The following NDST4 variants were observed in gnomAD, a reference collection of about 807,000 sequenced individuals.
NDST4 encodes N-heparan sulfate sulfotransferase 4.
NDST4 carries 63 observed loss-of-function variants against 100.8 expected under a neutral mutation model. That is an observed-to-expected ratio of 0.62 (90% CI 0.51 to 0.77). The LOEUF (loss-of-function observed/expected upper bound fraction) is 0.77. NDST4 is among the 30% of genes least tolerant of loss of function. The pLI is 0.00. For synonymous variants in NDST4, 377 were observed against 361.8 expected (o/e 1.04, Z -0.48); for missense variants, 943 against 1,018.4 (o/e 0.93, Z 1.01).
At chr4:115,044,981 C>A (rs1728434587) in intron 2 of NDST4, among the ~76,000 whole-genome samples, 1 of 151,198 alleles carries the variant, frequency 6.6e-6, no homozygotes, top group Admixed American at 6.6e-5. Context: ...ACAACTGGAA[C>A]TTTTATACTC....
At chr4:114,888,844 G>A (rs1164312987) in intron 6 of NDST4, among the ~76,000 whole-genome samples, 1 of 152,040 alleles carries the variant, frequency 6.6e-6, no homozygotes, top group Non-Finnish European at 1.5e-5. Flanking sequence ...TCCTACAATA[G>A]GTAGTGGATT....
intron 2 of NDST4, among the ~76,000 whole-genome samples, chr4:114,987,649 T>C (rs1726942627): frequency 6.6e-6 from 1 of 152,186 alleles, no homozygotes; most frequent in Non-Finnish European, 1.5e-5. Context: ...AAAATAATTG[T>C]ATCTTCAAAA....
intron 6 of NDST4, among the ~76,000 whole-genome samples, chr4:114,899,693 C>T (rs1386648989): frequency 2.0e-5 from 3 of 152,108 alleles, no homozygotes; most frequent in African/African-American, 7.2e-5. Context: ...ATAAATTCCA[C>T]TGGATCATGG....
chr4:114,874,846 CT>C (rs141709694), intron 6 of NDST4, among the ~76,000 whole-genome samples: 13,137 of 151,982 alleles, frequency 0.086, 1,662 homozygotes, highest in African/African-American at 0.28. Context: ...TACTGTTTAT[CT>C]TTTTTTATAT....
intron 10 of NDST4, among the ~76,000 whole-genome samples, chr4:114,843,707 C>T (rs1013937008): frequency 1.3e-5 from 2 of 152,158 alleles, no homozygotes; most frequent in Admixed American, 6.6e-5. Context: ...CCCTTCCCTT[C>T]GAATCAGTGC....
chr4:115,079,721 A>G (rs1398677313), intron 1 of NDST4, among the ~76,000 whole-genome samples: 2 of 152,086 alleles, frequency 1.3e-5, no homozygotes, highest in Admixed American at 6.6e-5. Flanking sequence ...GGATTTCTTT[A>G]TTTTTTAATT....
At chr4:114,890,607 A>T (rs576485558) in intron 6 of NDST4, among the ~76,000 whole-genome samples, 2 of 152,216 alleles carry the variant, frequency 1.3e-5, no homozygotes, top group African/African-American at 4.8e-5. Context: ...GCTAAGCAAT[A>T]GTTAGAGATT....
chr4:114,954,744 T>C (rs757805654), intron 4 of NDST4, among the ~76,000 whole-genome samples: 2 of 151,978 alleles, frequency 1.3e-5, no homozygotes, highest in South Asian at 4.1e-4. Context: ...TGTTGAATTG[T>C]AATCTCCAGC....
In NDST4 at chr4:114,942,255, A is replaced by G. The variant is rs1031721557; in HGVS notation, c.1222-4752T>C. ...CATGACTTACGTTAAGCACTTTGCT[A>G]AGTACTGGGGATGCCCTGGGTATAA... On this transcript the variant is annotated intron_variant, in intron 4 of 13. Transcript: ENST00000264363. Among the ~76,000 whole-genome samples, 6 of 152,318 alleles carry G rather than the reference A, an allele frequency of 3.9e-5. No homozygotes were observed. The East Asian group carries it at 1.2e-3, about 29-fold the overall frequency.
At chr4:114,893,504 A>G (rs1167757942) in intron 6 of NDST4, among the ~76,000 whole-genome samples, 1 of 151,292 alleles carries the variant, frequency 6.6e-6, no homozygotes, top group Non-Finnish European at 1.5e-5. Flanking sequence ...AGTGATGTTG[A>G]TCTTTTTTTC....
chr4:114,989,656 G>C (rs1726993056), intron 2 of NDST4, among the ~76,000 whole-genome samples: 1 of 152,282 alleles, frequency 6.6e-6, no homozygotes, highest in African/African-American at 2.4e-5. Flanking sequence ...GTCAGAGCTG[G>C]AGAAGAATGA....
At chr4:114,895,432 C>CCA (rs1448230962) in intron 6 of NDST4, among the ~76,000 whole-genome samples, 1 of 151,982 alleles carries the variant, frequency 6.6e-6, no homozygotes, top group East Asian at 1.9e-4. Flanking sequence ...AAGACTAAAC[C>CCA]AGGAAGAAGT....
intron 2 of NDST4, among the ~76,000 whole-genome samples, chr4:115,057,101 A>T (rs1210058156): frequency 1.3e-5 from 2 of 152,132 alleles, no homozygotes; most frequent in African/African-American, 4.8e-5. Context: ...ACATTATATA[A>T]TCCCAGAGGC....
intron 2 of NDST4, among the ~76,000 whole-genome samples, chr4:115,014,027 G>T (rs1235450439): frequency 1.3e-5 from 2 of 152,066 alleles, no homozygotes; most frequent in Non-Finnish European, 2.9e-5. Flanking sequence ...CACAGGTGGT[G>T]ACTCAAATTG....
intron 2 of NDST4, among the ~76,000 whole-genome samples, chr4:114,997,402 CAGAT>C (rs1326879960): frequency 2.6e-5 from 4 of 151,930 alleles, no homozygotes; most frequent in Non-Finnish European, 4.4e-5. Context: ...ATATATCTGT[CAGAT>C]AGGTGATAAT....
chr4:114,927,237 TG>T (rs1725405298), intron 6 of NDST4, among the ~76,000 whole-genome samples: 2 of 151,964 alleles, frequency 1.3e-5, no homozygotes, highest in Non-Finnish European at 2.9e-5. Context: ...TGTGTGTGTG[TG>T]TGTGTGTTTT....
At chr4:115,091,368 A>G (rs1729515968) in intron 1 of NDST4, among the ~76,000 whole-genome samples, 1 of 152,138 alleles carries the variant, frequency 6.6e-6, no homozygotes, top group Non-Finnish European at 1.5e-5. Flanking sequence ...TTATTTTTTA[A>G]GAATCCAAAA....
chr4:114,828,445 T>C (rs1431939330), intron 13 of NDST4, among the ~76,000 whole-genome samples: 1 of 152,170 alleles, frequency 6.6e-6, no homozygotes. Flanking sequence ...TGAAATATAT[T>C]TTTTTAGTCA....
intron 2 of NDST4, among the ~76,000 whole-genome samples, chr4:115,006,208 G>A (rs961794322): frequency 6.6e-6 from 1 of 152,062 alleles, no homozygotes; most frequent in Non-Finnish European, 1.5e-5. Context: ...CTTTATGACT[G>A]AGGAAGAGTT....
Sources: allele counts gnomAD v4.1 joint callset (sites outside exome capture counted in the v4.1 genomes callset), GRCh38; gene constraint gnomAD v4.1.1; transcripts MANE v1.5; gene names NCBI Gene and HGNC (gene_info 2026-07-23, HGNC 2026-07-21).